Variants in PPP2R2B observed in about 807,000 individuals in gnomAD.
The protein encoded by PPP2R2B is protein phosphatase 2 regulatory subunit Bbeta.
A neutral mutation model predicts 46.0 loss-of-function variants in PPP2R2B; 5 were observed. That is an observed-to-expected ratio of 0.11 (90% CI 0.06 to 0.23). PPP2R2B has a LOEUF of 0.23. PPP2R2B is among the 10% of genes least tolerant of loss of function. PPP2R2B has a pLI of 1.00. For synonymous variants in PPP2R2B, 215 were observed against 206.7 expected, an observed-to-expected ratio of 1.04 and a Z score of -0.34; for missense variants, 367 against 575.0, an observed-to-expected ratio of 0.64 and a Z score of 3.70.
chr5:146,630,770 G>A (rs1181742306), intron 7 of PPP2R2B, among the ~76,000 whole-genome samples: 1 of 152,182 alleles, frequency 6.6e-6, no homozygotes, highest in East Asian at 1.9e-4. Flanking sequence ...TGGTAGGGAA[G>A]CAAGACACCA....
rs371110855 is a variant in PPP2R2B, at chr5:146,670,564, C to T, written c.448-19840G>A. Among the ~76,000 whole-genome samples, 233 of 151,892 alleles carry T rather than the reference C, an allele frequency of 1.5e-3. 1 individual carries two copies. In the South Asian group the frequency reaches 0.016, roughly 11 times the overall value. The stretch of plus-strand genomic sequence containing the variant: ...AGGTTGCAGTGCAGTGGCGCAATGT[C>T]GGCTCACTGCAACCTCCGCCTCCCG... On this transcript the variant is annotated intron_variant, in intron 5 of 9. Coordinates refer to ENST00000394411, the MANE Select transcript of PPP2R2B (RefSeq NM_181675.4).
intron 2 of PPP2R2B, among the ~76,000 whole-genome samples, chr5:146,843,919 A>ATGTGTCTT (rs1759821383): frequency 6.6e-6 from 1 of 151,804 alleles, no homozygotes; most frequent in Non-Finnish European, 1.5e-5. Context: ...ATACGTGTGC[A>ATGTGTCTT]TGTGTCTTTA....
intron 7 of PPP2R2B, among the ~76,000 whole-genome samples, chr5:146,620,828 G>A (rs757466553): frequency 6.6e-6 from 1 of 152,128 alleles, no homozygotes; most frequent in African/African-American, 2.4e-5. Context: ...AGAGAAGCCC[G>A]AACTCCCTGG....
intron 2 of PPP2R2B, among the ~76,000 whole-genome samples, chr5:146,733,539 T>A (rs907338999): frequency 6.6e-6 from 1 of 152,244 alleles, no homozygotes; most frequent in Admixed American, 6.5e-5. Context: ...GTAGACTTGC[T>A]AAAGCTTGAG....
rs368387300 is a variant in PPP2R2B, at chr5:146,830,329, A to G, written c.70+47673T>C. On this transcript the variant is annotated intron_variant, in intron 2 of 9. Transcript: ENST00000394411. Reference sequence around the variant, plus strand: ...CAGTATCTGACACAAGCTAATGCCTATAAAAAACTAGCTGTTAGGATTTCA... The same window carrying G: ...CAGTATCTGACACAAGCTAATGCCTGTAAAAAACTAGCTGTTAGGATTTCA... Among the ~76,000 whole-genome samples the G allele has an allele frequency of 1.4e-3, 213 of 152,340 alleles. 1 individual carries two copies. In the South Asian group the frequency reaches 0.03, roughly 21 times the overall value.
intron 2 of PPP2R2B, among the ~76,000 whole-genome samples, chr5:146,711,083 C>T (rs1008789317): frequency 2.0e-5 from 3 of 152,198 alleles, no homozygotes; most frequent in Non-Finnish European, 2.9e-5. Flanking sequence ...TAAGTTATCA[C>T]CACTAATCAT....
At chr5:146,893,069 G>A (rs1033438141) in intron 1 of PPP2R2B, among the ~76,000 whole-genome samples, 2 of 152,122 alleles carry the variant, frequency 1.3e-5, no homozygotes, top group Non-Finnish European at 2.9e-5. Context: ...TGCACCTGTT[G>A]TGCTCTCTGC....
At chr5:146,897,189 C>T (rs1432800315) in intron 1 of PPP2R2B, among the ~76,000 whole-genome samples, 1 of 152,032 alleles carries the variant, frequency 6.6e-6, no homozygotes, top group African/African-American at 2.4e-5. Flanking sequence ...AGGGCACAGC[C>T]AAGGAGGGCC....
At chr5:146,915,743 C>A (rs1763363337) in intron 1 of PPP2R2B, among the ~76,000 whole-genome samples, 1 of 152,156 alleles carries the variant, frequency 6.6e-6, no homozygotes, top group Non-Finnish European at 1.5e-5. Context: ...TTCTGAGCCA[C>A]TACAACAAAA....
At chr5:146,879,844 T>A (rs1365452311), upstream of PPP2R2B, among the ~76,000 whole-genome samples, 1 of 152,212 alleles carries the variant, frequency 6.6e-6, no homozygotes, top group East Asian at 1.9e-4. Flanking sequence ...CTAGGTTTCA[T>A]CTTGTAGAAG....
At chr5:147,040,807 T>TAA in intron 1 of PPP2R2B, 1 of 417,994 alleles carries the variant, frequency 2.4e-6, no homozygotes, top group Admixed American at 2.9e-5. Flanking sequence ...ATGAGTTTCC[T>TAA]TAAAAAAAAA....
chr5:146,989,547 A>G (rs1753591698), intron 1 of PPP2R2B, among the ~76,000 whole-genome samples: 1 of 152,080 alleles, frequency 6.6e-6, no homozygotes, highest in Admixed American at 6.5e-5. Context: ...AAAATTCAAC[A>G]TCTATTCATG....
chr5:146,656,176 C>T (rs551541891), intron 5 of PPP2R2B, among the ~76,000 whole-genome samples: 1 of 152,116 alleles, frequency 6.6e-6, no homozygotes, highest in African/African-American at 2.4e-5. Context: ...GGGTAAGGGG[C>T]TAGCAAGCGA....
chr5:146,683,553 GA>G (rs1462013998), intron 5 of PPP2R2B, among the ~76,000 whole-genome samples: 1 of 152,160 alleles, frequency 6.6e-6, no homozygotes, highest in African/African-American at 2.4e-5. Flanking sequence ...AATGTTCTTG[GA>G]ACATTAGCAT....
intron 2 of PPP2R2B, among the ~76,000 whole-genome samples, chr5:146,854,981 A>AT (rs1383412607): frequency 2.0e-5 from 3 of 151,994 alleles, no homozygotes; most frequent in Non-Finnish European, 2.9e-5. Context: ...AAATACTTCC[A>AT]TTTTTTTTCT....
chr5:146,676,283 C>T (rs1777706528), intron 5 of PPP2R2B, among the ~76,000 whole-genome samples: 1 of 152,088 alleles, frequency 6.6e-6, no homozygotes, highest in African/African-American at 2.4e-5. Context: ...TACAGAGAAG[C>T]GAGGGCTTGC....
At chr5:147,025,082 A>C (rs1755464725) in intron 1 of PPP2R2B, among the ~76,000 whole-genome samples, 1 of 152,092 alleles carries the variant, frequency 6.6e-6, no homozygotes, top group African/African-American at 2.4e-5. Flanking sequence ...TGACGATATC[A>C]GAAATGACAG....
At chr5:146,968,190 C>A (rs901234191) in intron 1 of PPP2R2B, among the ~76,000 whole-genome samples, 6 of 152,162 alleles carry the variant, frequency 3.9e-5, no homozygotes, top group African/African-American at 1.4e-4. Flanking sequence ...ATTCCACATT[C>A]CATGGGTATC....
intron 7 of PPP2R2B, among the ~76,000 whole-genome samples, chr5:146,631,764 T>C (rs1774437465): frequency 1.3e-5 from 2 of 152,198 alleles, no homozygotes; most frequent in African/African-American, 4.8e-5. Context: ...GGTGAAACTG[T>C]CGAGACCCAA....
Sources: allele counts gnomAD v4.1 joint callset (sites outside exome capture counted in the v4.1 genomes callset), GRCh38; gene constraint gnomAD v4.1.1; transcripts MANE v1.5; gene names NCBI Gene and HGNC (gene_info 2026-07-23, HGNC 2026-07-21).